The following EIF4E variants were observed in gnomAD, a reference collection of about 807,000 sequenced individuals.
The protein encoded by EIF4E is eukaryotic translation initiation factor 4E, also known as eIF-4F 25 kDa subunit.
For missense variants in EIF4E, 113 were observed against 265.6 expected (o/e 0.43, Z 3.99); for synonymous variants, 71 against 88.5 (o/e 0.80, Z 1.11).
chr4:98,903,361 T>G (rs953894835), intron 1 of EIF4E: 27 of 208,576 alleles, frequency 1.3e-4, no homozygotes, highest in African/African-American at 4.8e-4. Flanking sequence ...AGAATATGGG[T>G]TTTTTTTTTT....
intron 2 of EIF4E, among the ~76,000 whole-genome samples, chr4:98,896,499 A>AC (rs1315590746): frequency 1.4e-4 from 21 of 148,496 alleles, no homozygotes; most frequent in African/African-American, 4.7e-4. Flanking sequence ...AAAAAAAAAA[A>AC]AAAAAAAAAA....
intron 1 of EIF4E, among the ~76,000 whole-genome samples, chr4:98,903,952 G>A (rs1050685528): frequency 2.0e-5 from 3 of 152,112 alleles, no homozygotes; most frequent in Non-Finnish European, 2.9e-5. Context: ...TGGGAGTCTC[G>A]ATGAAAACAA....
chr4:98,914,016 A>G (rs950328810), intron 1 of EIF4E, among the ~76,000 whole-genome samples: 5 of 151,820 alleles, frequency 3.3e-5, no homozygotes, highest in Admixed American at 1.3e-4. Flanking sequence ...TAAAACTAAT[A>G]CAAATGTGGA....
intron 1 of EIF4E, among the ~76,000 whole-genome samples, chr4:98,928,453 C>A (rs1721316536): frequency 6.6e-6 from 1 of 152,140 alleles, no homozygotes; most frequent in Non-Finnish European, 1.5e-5. Context: ...ACCGGCAACT[C>A]TCCGGCGCGC....
At chr4:98,890,966 G>C (rs1172527484) in intron 3 of EIF4E, 1 of 470,876 alleles carries the variant, frequency 2.1e-6, no homozygotes, top group Non-Finnish European at 3.8e-6. Context: ...GTTCCAACTA[G>C]CTGTCAAAAG....
At chr4:98,919,821 A>C (rs555539072) in intron 1 of EIF4E, among the ~76,000 whole-genome samples, 99 of 152,218 alleles carry the variant, frequency 6.5e-4, no homozygotes, top group African/African-American at 2.0e-3. Context: ...AGCCTCCCCA[A>C]GTGCTGGGAT....
chr4:98,884,779 T>C, intron 6 of EIF4E, 143 bp downstream of exon 6: 1 of 1,134,364 alleles, frequency 8.8e-7, no homozygotes, highest in Non-Finnish European at 1.3e-6. Context: ...ATTGAGCCGT[T>C]CAAAATTATA....
chr4:98,918,676 T>C (rs1725510667), intron 1 of EIF4E, among the ~76,000 whole-genome samples: 1 of 152,106 alleles, frequency 6.6e-6, no homozygotes, highest in Non-Finnish European at 1.5e-5. Context: ...AATATTAATA[T>C]AGAAATAATT....
At chr4:98,916,992 A>G (rs540503985) in intron 1 of EIF4E, among the ~76,000 whole-genome samples, 1 of 152,064 alleles carries the variant, frequency 6.6e-6, no homozygotes, top group African/African-American at 2.4e-5. Context: ...TCCAGATTGG[A>G]GCAATGTGAT....
At chr4:98,918,753 T>C (rs1020888078) in intron 1 of EIF4E, among the ~76,000 whole-genome samples, 3 of 152,286 alleles carry the variant, frequency 2.0e-5, no homozygotes, top group Non-Finnish European at 4.4e-5. Context: ...TGTGTTGATA[T>C]GTAATGCTCT....
chr4:98,901,776 T>C, intron 2 of EIF4E, 100 bp downstream of exon 2: 1 of 1,118,406 alleles, frequency 8.9e-7, no homozygotes, highest in South Asian at 1.2e-5. Context: ...CCTTAGCATA[T>C]CTAAAACTAG....
At chr4:98,910,154 G>T (rs548291915) in intron 1 of EIF4E, among the ~76,000 whole-genome samples, 2 of 152,132 alleles carry the variant, frequency 1.3e-5, no homozygotes, top group Non-Finnish European at 2.9e-5. Flanking sequence ...CATCACTCAT[G>T]AAAGTGTGGC....
chr4:98,914,360 T>TC (rs1725281009), intron 1 of EIF4E, among the ~76,000 whole-genome samples: 2 of 29,972 alleles, frequency 6.7e-5, no homozygotes, highest in Non-Finnish European at 1.0e-4. Flanking sequence ...AGACTCCGTC[T>TC]CAAAAAAAAA....
chr4:98,929,079 C>A lies in EIF4E; in HGVS notation c.18+16G>T. On this transcript the variant is annotated intron_variant, in intron 1 of 6. Transcript: ENST00000450253. ...CGCGGGGACCCGTGGGGGTGGGGGCCAAAGGCAATACTCACCGGTTCGACA... is the reference window on the plus strand; with the variant it reads ...CGCGGGGACCCGTGGGGGTGGGGGCAAAAGGCAATACTCACCGGTTCGACA... 6.3e-7 allele frequency: 1 copy of A among 1,582,034 alleles called. No individual in the cohort carries two copies. The highest frequency in any genetic ancestry group is 2.3e-5 in the East Asian group (1 of 43,138).
Position 98,880,895 on chromosome 4 carries a change from ATATCTGAG to A in EIF4E, c.*125_*132del. ...GACAAAGGCGAATGAGACTTCTCTT[ATATCTGAG>A]TAACATTAAGATGGAAATCAAATTT... On this transcript the variant is annotated 3_prime_UTR_variant, in exon 7 of 7. Coordinates refer to ENST00000450253, the MANE Select transcript of EIF4E (RefSeq NM_001968.5). 6.8e-7 allele frequency: 1 copy of A among 1,476,736 alleles called. No homozygotes were observed. Among genetic ancestry groups the A allele is most frequent in the Non-Finnish European group, 9.1e-7 (1 of 1,102,016 alleles). The allele number at this position is 1,476,736 out of a possible 1,614,324, so 91.5% of individuals were successfully genotyped here.
At chr4:98,919,471 G>A (rs1490372992) in intron 1 of EIF4E, among the ~76,000 whole-genome samples, 1 of 151,488 alleles carries the variant, frequency 6.6e-6, no homozygotes, top group Non-Finnish European at 1.5e-5. Flanking sequence ...AACCAAACTG[G>A]ACATATCCAG....
chr4:98,922,724 A>T (rs570818971), intron 1 of EIF4E, among the ~76,000 whole-genome samples: 1 of 152,282 alleles, frequency 6.6e-6, no homozygotes, highest in East Asian at 1.9e-4. Context: ...AGTTGCTTAC[A>T]ACTATAAATC....
intron 1 of EIF4E, among the ~76,000 whole-genome samples, chr4:98,911,768 T>A (rs1397161614): frequency 6.6e-6 from 1 of 151,402 alleles, no homozygotes; most frequent in Non-Finnish European, 1.5e-5. Flanking sequence ...ATGTACCTAC[T>A]GATCAAATTA....
rs532995672 is a variant in EIF4E at position 98,926,799 on chromosome 4, A to G, written c.18+2296T>C. ...ACATCTTGTATAACTTTGTATCCTA[A>G]AGAACACTTGGTACAACACCCTGGA... is the stretch of plus-strand genomic sequence containing the variant. On this transcript the variant is annotated intron_variant, in intron 1 of 6. Coordinates refer to ENST00000450253, the MANE Select transcript of EIF4E (RefSeq NM_001968.5). Among the ~76,000 whole-genome samples the G allele has an allele frequency of 1.6e-3, 244 of 152,330 alleles. 1 individual carries two copies. The highest frequency in any genetic ancestry group is 2.9e-3 in the Non-Finnish European group (198 of 68,026).
Sources: gnomAD v4.1 joint callset for allele counts (sites outside exome capture counted in the v4.1 genomes callset) on GRCh38, gnomAD v4.1.1 for gene constraint, MANE v1.5 for transcripts, NCBI Gene and HGNC (gene_info 2026-07-23, HGNC 2026-07-21) for gene names.